Variants in RIT2 observed in about 807,000 individuals in gnomAD.
RIT2 encodes the protein Ras like without CAAX 2.
Under a neutral mutation model 23.7 loss-of-function variants are expected in RIT2, and 24 were observed. The observed-to-expected ratio is 1.01, with a 90% CI of 0.73 to 1.43. The LOEUF is 1.43. Among genes scored for constraint, RIT2 ranks in the 40% most tolerant of loss-of-function variants. The pLI is 0.00. For synonymous variants in RIT2, 107 were observed against 91.1 expected (o/e 1.17, Z -0.99); for missense variants, 236 against 266.9 (o/e 0.88, Z 0.81).
intron 3 of RIT2, among the ~76,000 whole-genome samples, chr18:42,969,123 A>G (rs1910304134): frequency 6.6e-6 from 1 of 152,188 alleles, no homozygotes; most frequent in Non-Finnish European, 1.5e-5. Flanking sequence ...GTTTGGACAC[A>G]TGTATTGATT....
chr18:43,094,772 C>T (rs1453996586), intron 1 of RIT2, among the ~76,000 whole-genome samples: 1 of 152,070 alleles, frequency 6.6e-6, no homozygotes, highest in Non-Finnish European at 1.5e-5. Context: ...CAAGTGTTCT[C>T]ATTGTTCAAT....
chr18:43,048,200 C>T (rs1341962213), intron 1 of RIT2, among the ~76,000 whole-genome samples: 3 of 152,098 alleles, frequency 2.0e-5, no homozygotes, highest in Non-Finnish European at 4.4e-5. Context: ...TCGCTAAATT[C>T]AAAGCTAACT....
intron 3 of RIT2, among the ~76,000 whole-genome samples, chr18:42,930,598 A>G (rs1220891502): frequency 6.6e-6 from 1 of 152,102 alleles, no homozygotes; most frequent in African/African-American, 2.4e-5. Flanking sequence ...GTAGCCCTGG[A>G]TCTGGTAGTT....
intron 1 of RIT2, among the ~76,000 whole-genome samples, chr18:43,065,098 G>A (rs1040059339): frequency 3.3e-5 from 5 of 151,986 alleles, no homozygotes; most frequent in African/African-American, 4.8e-5. Context: ...GATTACAGGG[G>A]TGAGCCACCA....
chr18:42,964,677 T>C (rs965032805), intron 3 of RIT2, among the ~76,000 whole-genome samples: 2 of 152,166 alleles, frequency 1.3e-5, no homozygotes, highest in East Asian at 1.9e-4. Context: ...TCCTTTAAAT[T>C]TGGAGCCTCA....
intron 2 of RIT2, among the ~76,000 whole-genome samples, chr18:42,998,139 T>G (rs561024357): frequency 6.6e-6 from 1 of 152,156 alleles, no homozygotes; most frequent in Non-Finnish European, 1.5e-5. Flanking sequence ...AACCATGGGA[T>G]GGCACAGTTT....
intron 4 of RIT2, among the ~76,000 whole-genome samples, chr18:42,854,899 C>T (rs1907143470): frequency 6.6e-6 from 1 of 152,188 alleles, no homozygotes; most frequent in Non-Finnish European, 1.5e-5. Flanking sequence ...ACTACCCAGA[C>T]CCCAAATCCT....
intron 4 of RIT2, among the ~76,000 whole-genome samples, chr18:42,879,773 A>C (rs1211436068): frequency 1.3e-5 from 2 of 152,212 alleles, no homozygotes; most frequent in Non-Finnish European, 2.9e-5. Context: ...AGCATTAAAA[A>C]ATAAAACTTT....
intron 4 of RIT2, among the ~76,000 whole-genome samples, chr18:42,787,139 C>T (rs1913940414): frequency 9.2e-6 from 1 of 108,582 alleles, no homozygotes; most frequent in Non-Finnish European, 1.8e-5. Context: ...CTCCCCCCAC[C>T]CCACGACAGG....
chr18:42,891,193 C>T (rs1908164413), intron 4 of RIT2, among the ~76,000 whole-genome samples: 1 of 152,096 alleles, frequency 6.6e-6, no homozygotes, highest in Non-Finnish European at 1.5e-5. Flanking sequence ...TTCTTCTCTG[C>T]CTTTCCCTAA....
chr18:43,039,012 C>A (rs1317109915), intron 1 of RIT2, among the ~76,000 whole-genome samples: 1 of 151,988 alleles, frequency 6.6e-6, no homozygotes, highest in Non-Finnish European at 1.5e-5. Flanking sequence ...TTCTTCATTA[C>A]CTTCCTACCT....
chr18:43,020,495 A>G (rs1342557952), intron 2 of RIT2, among the ~76,000 whole-genome samples: 2 of 151,838 alleles, frequency 1.3e-5, no homozygotes, highest in African/African-American at 2.4e-5. Flanking sequence ...AAAACAAAAC[A>G]AAACAAAACA....
At chr18:43,037,319 TTTA>T (rs1912004786) in intron 1 of RIT2, among the ~76,000 whole-genome samples, 1 of 152,176 alleles carries the variant, frequency 6.6e-6, no homozygotes, top group East Asian at 1.9e-4. Context: ...AATTGTGGCT[TTTA>T]TTATTTAAAA....
chr18:42,797,321 TGTG>T (rs779590250), intron 4 of RIT2, among the ~76,000 whole-genome samples: 6 of 152,130 alleles, frequency 3.9e-5, no homozygotes, highest in Non-Finnish European at 7.4e-5. Flanking sequence ...TGTTTACTCT[TGTG>T]GTGGTCACAC....
intron 4 of RIT2, among the ~76,000 whole-genome samples, chr18:42,744,342 G>A (rs1341658713): frequency 6.6e-6 from 1 of 152,114 alleles, no homozygotes; most frequent in African/African-American, 2.4e-5. Context: ...ATAGCAATGT[G>A]AGAATTTGTT....
chr18:42,897,164 T>C (rs1287641611), intron 4 of RIT2, among the ~76,000 whole-genome samples: 1 of 152,200 alleles, frequency 6.6e-6, no homozygotes, highest in African/African-American at 2.4e-5. Context: ...TTTTACTTCC[T>C]TATATAAAAT....
At chr18:42,951,755 A>T (rs1909856756) in intron 3 of RIT2, among the ~76,000 whole-genome samples, 1 of 152,122 alleles carries the variant, frequency 6.6e-6, no homozygotes, top group African/African-American at 2.4e-5. Context: ...ATAATGCTTC[A>T]ACTAAATGTC....
rs201051778 is a variant in RIT2, at chr18:42,995,301, C to T, written c.161-21154G>A. ...CCCTCCCTTCCCTACACATCAAGCT[C>T]GAAGATTTGCCCCCACCCAGGACTG... is the stretch of plus-strand genomic sequence containing the variant. On this transcript the variant is annotated intron_variant, in intron 2 of 4. Coordinates refer to ENST00000326695, the MANE Select transcript of RIT2 (RefSeq NM_002930.4). Among the ~76,000 whole-genome samples the T allele has an allele frequency of 5.3e-5, 8 of 151,890 alleles. No individual in the cohort carries two copies. The East Asian group carries it at 1.2e-3, about 22-fold the overall frequency.
chr18:42,788,349 T>C (rs1356991860), intron 4 of RIT2, among the ~76,000 whole-genome samples: 3 of 152,186 alleles, frequency 2.0e-5, no homozygotes. Context: ...TCTCTTTTGA[T>C]ACTACACCAA....
Sources: gnomAD v4.1 joint callset for allele counts (sites outside exome capture counted in the v4.1 genomes callset) on GRCh38, gnomAD v4.1.1 for gene constraint, MANE v1.5 for transcripts, NCBI Gene and HGNC (gene_info 2026-07-23, HGNC 2026-07-21) for gene names.